The following PDE6A variants were observed in gnomAD, a reference collection of about 807,000 sequenced individuals.
The protein encoded by PDE6A is phosphodiesterase 6A, also known as rod cGMP-specific 3',5'-cyclic phosphodiesterase subunit alpha.
In PDE6A, 84 loss-of-function variants were observed where a neutral mutation model predicts 106.3. The ratio of observed to expected loss-of-function variants is 0.79; its 90% CI spans 0.66 to 0.95. The LOEUF is 0.95. PDE6A is among the 40% of genes least tolerant of loss of function. The probability of loss-of-function intolerance (pLI) is 0.00; values close to 1 mark genes in which losing one functional copy is unlikely to be tolerated. For missense variants in PDE6A, 1,052 were observed against 1,084.9 expected, an observed-to-expected ratio of 0.97 and a Z score of 0.43; for synonymous variants, 394 against 386.6, an observed-to-expected ratio of 1.02 and a Z score of -0.23.
chr5:149,904,804 C>T (rs1397646542), intron 7 of PDE6A, among the ~76,000 whole-genome samples: 1 of 152,092 alleles, frequency 6.6e-6, no homozygotes, highest in African/African-American at 2.4e-5. Flanking sequence ...GTTCTTGGAG[C>T]CCTCTTTCCT....
intron 17 of PDE6A, among the ~76,000 whole-genome samples, chr5:149,880,238 G>T (rs1047420065): frequency 7.2e-5 from 11 of 152,128 alleles, no homozygotes; most frequent in African/African-American, 2.6e-4. Flanking sequence ...TTGGTTGGTT[G>T]CTTGATTTGT....
At chr5:149,926,900 C>A (rs1332974646) in intron 4 of PDE6A, among the ~76,000 whole-genome samples, 1 of 151,378 alleles carries the variant, frequency 6.6e-6, no homozygotes, top group African/African-American at 2.4e-5. Flanking sequence ...ATTGTTTGAA[C>A]CCGGGAGGTG....
chr5:149,860,673 C>T lies in PDE6A; in HGVS notation c.*222G>A. ...TGGCGATTTTTTTTTTTAAGTTCAA[C>T]AGCTATCATTAGTGTTACTGTATTT... On this transcript the variant is annotated 3_prime_UTR_variant, in exon 22 of 22. Transcript: ENST00000255266. 2.6e-6 allele frequency: 1 copy of T among 380,690 alleles called. No homozygotes were observed. The highest frequency in any genetic ancestry group is 7.7e-5 in the South Asian group (1 of 12,930). 23.6% of individuals were successfully genotyped at this position (380,690 alleles called of 1,614,324 possible). A position where few individuals can be genotyped will look rare whatever the true frequency, so the allele number is the denominator to read the frequency against.
chr5:149,928,337 A>G (rs1753931243), intron 4 of PDE6A, among the ~76,000 whole-genome samples: 1 of 147,876 alleles, frequency 6.8e-6, no homozygotes, highest in South Asian at 2.1e-4. Context: ...TCCCAGGTTC[A>G]GGCAATTCTC....
rs543980510 is a variant in PDE6A, at chr5:149,931,236, TAAC to T, written c.718-71_718-69del. On this transcript the variant is annotated intron_variant, in intron 3 of 21. Transcript: ENST00000255266. ...AGTAGTAGCTCACTTAGCTGGAGAA[TAAC>T]AACAATTCTGTAAAGTTGTCTGGAG... 219 of 1,442,330 alleles carry T rather than the reference TAAC, an allele frequency of 1.5e-4. 1 individual carries two copies. In the African/African-American group the frequency reaches 2.8e-3, roughly 18 times the overall value. The allele number at this position is 1,442,330 out of a possible 1,614,324, so 89.3% of individuals were successfully genotyped here. A position where few individuals can be genotyped will look rare whatever the true frequency, so the allele number is the denominator to read the frequency against.
At chr5:149,914,284 C>A (rs1753482281) in intron 6 of PDE6A, among the ~76,000 whole-genome samples, 1 of 152,200 alleles carries the variant, frequency 6.6e-6, no homozygotes, top group African/African-American at 2.4e-5. Context: ...CCGTCTCACA[C>A]TGCCTCCTTC....
rs755257088 is a variant in PDE6A, at chr5:149,921,714, G to C, written c.859-5C>G. ...CGGCCACACATCAAAAAATTCCTAG[G>C]AATGAGAAAAACAATAATTACATGT... On this transcript the variant is annotated splice_region_variant and splice_polypyrimidine_tract_variant and intron_variant, in intron 4 of 21. Coordinates refer to ENST00000255266, the MANE Select transcript of PDE6A (RefSeq NM_000440.3). The C allele has an allele frequency of 1.2e-6, 2 of 1,611,502 alleles. No homozygotes were observed. The highest frequency in any genetic ancestry group is 1.7e-5 in the Admixed American group (1 of 59,962).
At chr5:149,911,560 G>A (rs1018608534) in intron 6 of PDE6A, among the ~76,000 whole-genome samples, 2 of 152,108 alleles carry the variant, frequency 1.3e-5, no homozygotes, top group Non-Finnish European at 2.9e-5. Flanking sequence ...TGTCTGCCAT[G>A]GCTAACAACG....
chr5:149,916,947 T>C (rs367851183), intron 5 of PDE6A, among the ~76,000 whole-genome samples: 1 of 152,148 alleles, frequency 6.6e-6, no homozygotes, highest in African/African-American at 2.4e-5. Flanking sequence ...CTCTTTACTA[T>C]TCCAGGAGAA....
intron 4 of PDE6A, among the ~76,000 whole-genome samples, chr5:149,923,629 A>G (rs1446296023): frequency 6.6e-6 from 1 of 152,208 alleles, no homozygotes; most frequent in Admixed American, 6.5e-5. Context: ...AGGGAAGAGG[A>G]AAAAGAGCCA....
rs1001434690 is a variant in PDE6A at position 149,899,658 on chromosome 5, A to G, written c.1114-134T>C. On this transcript the variant is annotated intron_variant, in intron 8 of 21. Transcript: ENST00000255266. ...GAGGATGGAGTTCATTGGATTTCGCATGAGTTTAATTACCGACAACTACCA... is the reference window on the plus strand; with the variant it reads ...GAGGATGGAGTTCATTGGATTTCGCGTGAGTTTAATTACCGACAACTACCA... The G allele has an allele frequency of 9.0e-6, 8 of 884,154 alleles. No homozygotes were observed. In the East Asian group the frequency reaches 9.6e-5, roughly 11 times the overall value. The allele number at this position is 884,154 out of a possible 1,614,324, so 54.8% of individuals were successfully genotyped here.
In PDE6A at chr5:149,932,154, G is replaced by A. The variant is rs185010379; in HGVS notation, c.718-986C>T. 11 of 1,227,088 alleles carry A rather than the reference G, an allele frequency of 9.0e-6. No individual in the cohort carries two copies. In the African/African-American group the frequency reaches 1.0e-4, roughly 11 times the overall value. The allele number at this position is 1,227,088 out of a possible 1,614,324, so 76.0% of individuals were successfully genotyped here. A position where few individuals can be genotyped will look rare whatever the true frequency, so the allele number is the denominator to read the frequency against. ...TAGTTTGATTATCTGTCGTCTTAGTGAAGCTGCATCTACAACAGTCAGGTC... is the reference window on the plus strand; with the variant it reads ...TAGTTTGATTATCTGTCGTCTTAGTAAAGCTGCATCTACAACAGTCAGGTC... On this transcript the variant is annotated intron_variant, in intron 3 of 21. Coordinates refer to ENST00000255266, the MANE Select transcript of PDE6A (RefSeq NM_000440.3).
chr5:149,885,369 TCA>T (rs1491589196), intron 14 of PDE6A, among the ~76,000 whole-genome samples: 1 of 152,186 alleles, frequency 6.6e-6, no homozygotes, highest in Non-Finnish European at 1.5e-5. Context: ...GAGCGGAGAC[TCA>T]GTTTTCTCAT....
intron 8 of PDE6A, among the ~76,000 whole-genome samples, chr5:149,900,742 C>G (rs1015105274): frequency 2.0e-5 from 3 of 152,088 alleles, no homozygotes; most frequent in African/African-American, 7.2e-5. Context: ...ATGCAGAATA[C>G]TGCCTGAAGA....
chr5:149,896,625 T>G, intron 11 of PDE6A, 86 bp downstream of exon 11: 1 of 1,613,792 alleles, frequency 6.2e-7, no homozygotes, highest in East Asian at 2.2e-5. Flanking sequence ...ATGGGGAACA[T>G]GCTTTGCAAG....
At chr5:149,926,188 G>C (rs1224608600) in intron 4 of PDE6A, among the ~76,000 whole-genome samples, 1 of 152,082 alleles carries the variant, frequency 6.6e-6, no homozygotes, top group South Asian at 2.1e-4. Context: ...GTTGCAGTGA[G>C]CCAAAATCGC....
Position 149,886,325 on chromosome 5 carries a change from A to T in PDE6A, c.1778T>A (p.Val593Asp), listed in dbSNP as rs1253683196. 1.9e-6 allele frequency: 3 copies of T among 1,614,040 alleles called. No homozygotes were observed. ...YFTDLEALAMVTAAFCHDIDH... is the reference protein window; with the variant it reads ...YFTDLEALAMDTAAFCHDIDH... Reference sequence around the variant, plus strand: ...AATGTCATGGCAGAAAGCAGCAGTGACCATGGCCAAGGCCTCTAGGTCCGT... The same window carrying T: ...AATGTCATGGCAGAAAGCAGCAGTGTCCATGGCCAAGGCCTCTAGGTCCGT... Residue 593 changes from valine to aspartate, a missense_variant, in exon 14 of 22, where the codon GTC becomes GAC. Physicochemically the swap from Val to Asp is radical, Grantham distance 152. This residue lies in a region of PDE6A where 913 missense variants were observed against 915.2 expected (regional missense o/e 1.00). Coordinates refer to ENST00000255266, the MANE Select transcript of PDE6A (RefSeq NM_000440.3).
chr5:149,936,057 G>C (rs945315538), intron 1 of PDE6A, among the ~76,000 whole-genome samples: 2 of 152,104 alleles, frequency 1.3e-5, no homozygotes, highest in Non-Finnish European at 2.9e-5. Context: ...AGGAAGCTGA[G>C]GCAGGAGGAT....
intron 4 of PDE6A, among the ~76,000 whole-genome samples, chr5:149,922,674 G>C (rs1753757323): frequency 6.6e-6 from 1 of 152,074 alleles, no homozygotes; most frequent in Admixed American, 6.6e-5. Flanking sequence ...AATTTATTTA[G>C]AAATTTTTCA....
Sources: allele counts gnomAD v4.1 joint callset (sites outside exome capture counted in the v4.1 genomes callset), GRCh38; gene constraint gnomAD v4.1.1; regional missense constraint gnomAD v4.1.1; transcripts MANE v1.5; gene names NCBI Gene and HGNC (gene_info 2026-07-23, HGNC 2026-07-21).